Variants in ANKRD30A observed in about 807,000 individuals in gnomAD.
ANKRD30A encodes ankyrin repeat domain-containing protein 30A.
Under a neutral mutation model 166.3 loss-of-function variants are expected in ANKRD30A, and 170 were observed. The observed-to-expected ratio is 1.02, with a 90% CI of 0.90 to 1.16. The LOEUF (loss-of-function observed/expected upper bound fraction) is 1.16, where lower values mean the gene tolerates loss of function less well. Ranked by LOEUF, ANKRD30A falls within the 50% of genes most tolerant of loss-of-function variation. The probability of loss-of-function intolerance (pLI) is 0.00; values close to 1 mark genes in which losing one functional copy is unlikely to be tolerated. For synonymous variants in ANKRD30A, 564 were observed against 508.9 expected, an observed-to-expected ratio of 1.11 and a Z score of -1.46; for missense variants, 1,630 against 1,518.0, an observed-to-expected ratio of 1.07 and a Z score of -1.23.
chr10:37,232,343 G>C (rs1363185461), intron 35 of ANKRD30A, among the ~76,000 whole-genome samples, 156 bp from the exon 36 acceptor site: 1 of 151,080 alleles, frequency 6.6e-6, no homozygotes, highest in Non-Finnish European at 1.5e-5. Flanking sequence ...TTTTACAATA[G>C]CTTGAAAATA....
At chr10:37,171,995 A>G in intron 21 of ANKRD30A, among the ~76,000 whole-genome samples, 1 of 146,126 alleles carries the variant, frequency 6.8e-6, no homozygotes. Context: ...TACCTAATAT[A>G]GTTGTCAACC....
chr10:37,223,638 T>A (rs1455391596), intron 34 of ANKRD30A, among the ~76,000 whole-genome samples: 1 of 151,438 alleles, frequency 6.6e-6, no homozygotes, highest in Non-Finnish European at 1.5e-5. Context: ...AATGAAAGTA[T>A]AAATCATTTT....
intron 11 of ANKRD30A, among the ~76,000 whole-genome samples, chr10:37,150,132 G>A (rs1478992344): frequency 6.6e-6 from 1 of 152,010 alleles, no homozygotes; most frequent in Admixed American, 6.6e-5. Flanking sequence ...GATTCAAGTA[G>A]GTGAATTTTG....
chr10:37,199,106 T>G (rs1408491545), intron 29 of ANKRD30A, among the ~76,000 whole-genome samples: 1 of 152,054 alleles, frequency 6.6e-6, no homozygotes, highest in Non-Finnish European at 1.5e-5. Flanking sequence ...GGAAGAAGTA[T>G]GTCATTGTAA....
At chr10:37,224,564 T>C (rs907948339) in intron 34 of ANKRD30A, among the ~76,000 whole-genome samples, 1 of 151,288 alleles carries the variant, frequency 6.6e-6, no homozygotes, top group Admixed American at 6.6e-5. Context: ...TGAGTAATTG[T>C]GTTTTTGCCA....
chr10:37,232,697 T>TATATATATATATATATATATATAG (rs1273812991), downstream of ANKRD30A: 1 of 78,402 alleles, frequency 1.3e-5, no homozygotes, highest in Non-Finnish European at 2.4e-5. Context: ...TATATATAAA[T>TATATATATATATATATATATATAG]AGAGAGAGAG....
At chr10:37,191,427 A>G (rs1006852649) in intron 25 of ANKRD30A, among the ~76,000 whole-genome samples, 6 of 152,000 alleles carry the variant, frequency 3.9e-5, no homozygotes, top group Non-Finnish European at 5.9e-5. Context: ...ATTAAAGAAC[A>G]TGATGAATGT....
chr10:37,194,608 G>A (rs1183339375), intron 27 of ANKRD30A, among the ~76,000 whole-genome samples: 2 of 152,090 alleles, frequency 1.3e-5, no homozygotes, highest in Middle Eastern at 3.2e-3. Context: ...GCCTCCCAAA[G>A]TACTGGAATT....
the ANKRD30A span, among the ~76,000 whole-genome samples, chr10:37,251,797 G>A: frequency 3.3e-5 from 5 of 152,166 alleles, no homozygotes; most frequent in Non-Finnish European, 7.4e-5. Flanking sequence ...TGATTTTAGA[G>A]AGAATTTTCA....
the ANKRD30A span, among the ~76,000 whole-genome samples, chr10:37,258,974 A>C: frequency 2.3e-4 from 35 of 151,122 alleles, no homozygotes; most frequent in South Asian, 4.2e-3. Flanking sequence ...AAAAAAAAAA[A>C]AAAAAAAAAA....
chr10:37,256,625 G>T, the ANKRD30A span, among the ~76,000 whole-genome samples: 2 of 152,032 alleles, frequency 1.3e-5, no homozygotes, highest in Non-Finnish European at 2.9e-5. Flanking sequence ...TCATTTTAAG[G>T]CTATAATCTA....
At chr10:37,202,918 C>A (rs1255268059) in intron 31 of ANKRD30A, among the ~76,000 whole-genome samples, 1 of 152,136 alleles carries the variant, frequency 6.6e-6, no homozygotes, top group African/African-American at 2.4e-5. Flanking sequence ...GACAGCTACA[C>A]CCTCCCAAGA....
At chr10:37,156,535 C>A (rs1263481943) in intron 13 of ANKRD30A, among the ~76,000 whole-genome samples, 1 of 152,118 alleles carries the variant, frequency 6.6e-6, no homozygotes, top group African/African-American at 2.4e-5. Flanking sequence ...ATGAGCTCAC[C>A]TTTACTGTTT....
chr10:37,165,193 G>T (rs1223723181), intron 18 of ANKRD30A, 38 bp downstream of exon 18: 6 of 1,537,740 alleles, frequency 3.9e-6, no homozygotes, highest in Non-Finnish European at 5.4e-6. Context: ...TATTAGTATT[G>T]CATGATATGA....
chr10:37,208,671 A>T (rs890946849), intron 31 of ANKRD30A, among the ~76,000 whole-genome samples: 1 of 152,176 alleles, frequency 6.6e-6, no homozygotes, highest in African/African-American at 2.4e-5. Flanking sequence ...CTAAGTTTAC[A>T]TATAACCAAA....
intron 15 of ANKRD30A, among the ~76,000 whole-genome samples, chr10:37,162,050 C>A (rs1838935666): frequency 6.6e-6 from 1 of 151,898 alleles, no homozygotes; most frequent in Admixed American, 6.6e-5. Flanking sequence ...ATGAGTTTTA[C>A]ACATCTTCTT....
intron 5 of ANKRD30A, among the ~76,000 whole-genome samples, chr10:37,136,133 A>G (rs1257599023): frequency 6.6e-6 from 1 of 152,180 alleles, no homozygotes; most frequent in African/African-American, 2.4e-5. Context: ...AGTTTCAGCA[A>G]TTAGGTTCAA....
At chr10:37,135,827 A>T (rs1836649296) in intron 5 of ANKRD30A, among the ~76,000 whole-genome samples, 2 of 152,356 alleles carry the variant, frequency 1.3e-5, no homozygotes, top group Admixed American at 1.3e-4. Flanking sequence ...TTCATTACAA[A>T]TTATAAAATA....
At chr10:37,243,515 C>T in the ANKRD30A span, among the ~76,000 whole-genome samples, 2 of 151,988 alleles carry the variant, frequency 1.3e-5, no homozygotes, top group South Asian at 2.1e-4. Context: ...CTATGTCATT[C>T]GAGGGTCAAT....
Sources: gnomAD v4.1 joint callset for allele counts (sites outside exome capture counted in the v4.1 genomes callset) on GRCh38, gnomAD v4.1.1 for gene constraint, MANE v1.5 for transcripts, NCBI Gene and HGNC (gene_info 2026-07-23, HGNC 2026-07-21) for gene names.